MDGA2: variants seen among roughly 807,000 people sequenced by gnomAD.
MDGA2 encodes the protein MAM domain-containing glycosylphosphatidylinositol anchor protein 2.
Under a neutral mutation model 117.8 loss-of-function variants are expected in MDGA2, and 40 were observed. The ratio of observed to expected loss-of-function variants is 0.34; its 90% confidence interval spans 0.26 to 0.44. MDGA2 has a LOEUF of 0.44. Ranked by LOEUF, MDGA2 falls within the 20% of genes least tolerant of loss-of-function variation. MDGA2 has a pLI of 1.00. For synonymous variants in MDGA2, 452 were observed against 439.0 expected (o/e 1.03, Z -0.37); for missense variants, 1,123 against 1,250.6 (o/e 0.90, Z 1.54).
intron 3 of MDGA2, among the ~76,000 whole-genome samples, chr14:47,151,525 T>C (rs1883164055): frequency 6.6e-6 from 1 of 152,206 alleles, no homozygotes; most frequent in Non-Finnish European, 1.5e-5. Flanking sequence ...TCAATTTTCA[T>C]ACTTTATGAC....
At chr14:47,464,082 C>T (rs1437412654) in intron 1 of MDGA2, among the ~76,000 whole-genome samples, 1 of 145,938 alleles carries the variant, frequency 6.9e-6, no homozygotes, top group Non-Finnish European at 1.5e-5. Context: ...CTTTAAAATT[C>T]ATTTCTCACT....
chr14:47,266,492 A>G (rs1351994478), intron 2 of MDGA2, among the ~76,000 whole-genome samples: 1 of 152,148 alleles, frequency 6.6e-6, no homozygotes, highest in African/African-American at 2.4e-5. Flanking sequence ...CTGCCTCCTC[A>G]TGCTCAATCA....
chr14:46,898,891 A>T (rs1478300936), intron 10 of MDGA2, among the ~76,000 whole-genome samples: 1 of 152,094 alleles, frequency 6.6e-6, no homozygotes. Flanking sequence ...TTAGCTTAGG[A>T]TAAGCAAAGA....
chr14:47,520,346 A>T (rs1279334377), intron 1 of MDGA2, among the ~76,000 whole-genome samples: 1 of 152,186 alleles, frequency 6.6e-6, no homozygotes, highest in Non-Finnish European at 1.5e-5. Context: ...TGCTGCCTAA[A>T]ATCATAAAAC....
chr14:47,505,917 G>A (rs950116342), intron 1 of MDGA2, among the ~76,000 whole-genome samples: 1 of 152,102 alleles, frequency 6.6e-6, no homozygotes, highest in Admixed American at 6.5e-5. Context: ...GTACTGAGAA[G>A]AAATGATGCT....
chr14:46,884,094 T>C lies in MDGA2; in HGVS notation c.2239-1873A>G, dbSNP rs1472333600. ...ATGACAAAGACATATTCTGTATAGA[T>C]GTACCATTGTTTCTGACATGCTCCT... On this transcript the variant is annotated intron_variant, in intron 10 of 16. Coordinates refer to ENST00000399232, the MANE Select transcript of MDGA2 (RefSeq NM_001113498.3). The surrounding 1 kb of genome is among the most constrained non-coding windows in gnomAD (Gnocchi z 4.1). Among the ~76,000 whole-genome samples the C allele has an allele frequency of 1.3e-5, 2 of 152,252 alleles. No homozygotes were observed. The highest frequency in any genetic ancestry group is 2.1e-4 in the South Asian group (1 of 4,824).
At chr14:47,666,788 C>T (rs1197038752) in intron 1 of MDGA2, among the ~76,000 whole-genome samples, 1 of 152,160 alleles carries the variant, frequency 6.6e-6, no homozygotes. Flanking sequence ...TTTGGGTACA[C>T]ATTGCCTTTA....
At chr14:46,918,033 G>A (rs1274849263) in intron 10 of MDGA2, among the ~76,000 whole-genome samples, 3 of 152,160 alleles carry the variant, frequency 2.0e-5, no homozygotes, top group Non-Finnish European at 4.4e-5. Flanking sequence ...AGTAAAGGAA[G>A]AAGATGATGA....
intron 1 of MDGA2, among the ~76,000 whole-genome samples, chr14:47,450,184 G>A (rs747693355): frequency 4.6e-5 from 7 of 151,802 alleles, no homozygotes; most frequent in Non-Finnish European, 7.4e-5. Flanking sequence ...TGGATTTGAG[G>A]TTTACTCCTT....
chr14:47,601,121 A>T (rs1896640348), intron 1 of MDGA2, among the ~76,000 whole-genome samples: 1 of 152,188 alleles, frequency 6.6e-6, no homozygotes, highest in Non-Finnish European at 1.5e-5. Context: ...AATATTTTTG[A>T]GCACTGACTA....
chr14:47,377,139 G>C (rs1891496263), intron 1 of MDGA2, among the ~76,000 whole-genome samples: 2 of 152,156 alleles, frequency 1.3e-5, no homozygotes. Flanking sequence ...AAGTGGCAAA[G>C]AGGTAGATTA....
At chr14:47,212,775 A>C (rs1885933349) in intron 3 of MDGA2, among the ~76,000 whole-genome samples, 1 of 152,202 alleles carries the variant, frequency 6.6e-6, no homozygotes, top group Non-Finnish European at 1.5e-5. Context: ...TATTTGGATT[A>C]CATTTCATTT....
chr14:46,955,536 C>T (rs1386089670), intron 9 of MDGA2, among the ~76,000 whole-genome samples: 1 of 152,016 alleles, frequency 6.6e-6, no homozygotes, highest in Admixed American at 6.6e-5. Flanking sequence ...TGTTCTTTTT[C>T]CTAGCAGGAA....
At chr14:47,152,038 T>G (rs578214647) in intron 3 of MDGA2, among the ~76,000 whole-genome samples, 10 of 152,286 alleles carry the variant, frequency 6.6e-5, no homozygotes, top group African/African-American at 2.2e-4. Context: ...TAAACTAATT[T>G]TCTTGAAACT....
rs193055478 is a variant in MDGA2 at position 47,298,830 on chromosome 14, A to G, written c.420+2581T>C. ...CTCCTGAGTAGCTGGGACTACAGGCACCCGCGACCACGTCCGGCTAATTTT... is the reference window on the plus strand; with the variant it reads ...CTCCTGAGTAGCTGGGACTACAGGCGCCCGCGACCACGTCCGGCTAATTTT... On this transcript the variant is annotated intron_variant, in intron 2 of 16. Transcript: ENST00000399232. Among the ~76,000 whole-genome samples the G allele has an allele frequency of 3.0e-4, 45 of 151,708 alleles. No individual in the cohort carries two copies. In the East Asian group the frequency reaches 3.1e-3, roughly 11 times the overall value.
intron 9 of MDGA2, among the ~76,000 whole-genome samples, chr14:46,947,025 G>C (rs569143645): frequency 6.6e-6 from 1 of 152,092 alleles, no homozygotes; most frequent in East Asian, 1.9e-4. Flanking sequence ...GACTTGATTA[G>C]GTTTTTACTC....
intron 1 of MDGA2, among the ~76,000 whole-genome samples, chr14:47,341,377 AT>A (rs1390134766): frequency 6.6e-6 from 1 of 152,224 alleles, no homozygotes; most frequent in African/African-American, 2.4e-5. Flanking sequence ...AAGTGACTAA[AT>A]CTGGATTACT....
rs1331051558 is a variant in MDGA2 at position 47,485,626 on chromosome 14, G to A, written c.281-184076C>T. ...TTCACAGCAGCCCCTCCCATCACAG[G>A]CTCAGAGGCCTAAGAGGAAAAGTGG... On this transcript the variant is annotated intron_variant, in intron 1 of 16. Coordinates refer to ENST00000399232, the MANE Select transcript of MDGA2 (RefSeq NM_001113498.3). Among the ~76,000 whole-genome samples the A allele has an allele frequency of 2.6e-5, 4 of 152,254 alleles. No homozygotes were observed. The East Asian group carries it at 5.8e-4, about 22-fold the overall frequency.
rs960790745 is a variant in MDGA2 at position 46,906,419 on chromosome 14, T to G, written c.2238+13593A>C. The stretch of plus-strand genomic sequence containing the variant: ...AACTTTCTTTTTGGAAGTAAATAGG[T>G]GCCTAGGACATGCTGAATAAACCTG... On this transcript the variant is annotated intron_variant, in intron 10 of 16. Transcript: ENST00000399232. Among the ~76,000 whole-genome samples, 3 of 152,264 alleles carry G rather than the reference T, an allele frequency of 2.0e-5. No individual in the cohort carries two copies. The East Asian group carries it at 5.8e-4, about 29-fold the overall frequency.
Sources: gnomAD v4.1 joint callset for allele counts (sites outside exome capture counted in the v4.1 genomes callset) on GRCh38, gnomAD v4.1.1 for gene constraint, Gnocchi (gnomAD v3.1) non-coding constraint, MANE v1.5 for transcripts, NCBI Gene and HGNC (gene_info 2026-07-23, HGNC 2026-07-21) for gene names.